The following MYO18B variants were observed in gnomAD, a reference collection of about 807,000 sequenced individuals.
MYO18B encodes myosin XVIIIB.
MYO18B carries 204 observed loss-of-function variants against 273.0 expected under a neutral mutation model. The ratio of observed to expected loss-of-function variants is 0.75; its 90% CI spans 0.67 to 0.84. The LOEUF is 0.84. Among genes scored for constraint, MYO18B ranks in the 40% least tolerant of loss-of-function variants. The probability of loss-of-function intolerance (pLI) is 0.00; values close to 1 mark genes in which losing one functional copy is unlikely to be tolerated. For missense variants in MYO18B, 3,212 were observed against 3,287.6 expected, an observed-to-expected ratio of 0.98 and a Z score of 0.56; for synonymous variants, 1,330 against 1,305.7, an observed-to-expected ratio of 1.02 and a Z score of -0.40.
chr22:25,767,392 A>T (rs532851645), intron 3 of MYO18B, among the ~76,000 whole-genome samples: 45 of 152,314 alleles, frequency 3.0e-4, no homozygotes, highest in South Asian at 2.7e-3. Flanking sequence ...TGATATGGGG[A>T]TCAGGGCAGT....
intron 11 of MYO18B, among the ~76,000 whole-genome samples, chr22:25,794,386 T>A (rs4592957): frequency 0.74 from 111,795 of 151,636 alleles, 41,308 homozygotes; most frequent in East Asian, 0.86. Context: ...TTTAATTTTA[T>A]TGTAGAGACA....
intron 12 of MYO18B, among the ~76,000 whole-genome samples, chr22:25,800,459 T>G (rs1337541056): frequency 1.3e-5 from 2 of 152,192 alleles, no homozygotes; most frequent in African/African-American, 4.8e-5. Flanking sequence ...AACAGACCCT[T>G]AGACAGAGAT....
At chr22:25,927,234 G>T (rs2092434309) in intron 34 of MYO18B, among the ~76,000 whole-genome samples, 1 of 152,214 alleles carries the variant, frequency 6.6e-6, no homozygotes, top group South Asian at 2.1e-4. Flanking sequence ...GAGCCGGGCG[G>T]AACAGAGCCA....
chr22:25,799,023 C>A (rs1282977459), intron 12 of MYO18B, among the ~76,000 whole-genome samples: 1 of 152,072 alleles, frequency 6.6e-6, no homozygotes, highest in South Asian at 2.1e-4. Flanking sequence ...CTAGTTCTTA[C>A]CCTCTCCGTA....
chr22:25,843,888 C>A lies in MYO18B; in HGVS notation c.3362C>A (p.Ser1121Ter). 6.2e-7 allele frequency: 1 copy of A among 1,601,302 alleles called. No homozygotes were observed. The highest frequency in any genetic ancestry group is 1.1e-5 in the South Asian group (1 of 90,568). ...GATGCACCCCAGGTCCTGCACCAGT[C>A]AAAAAGGTGAGTTGGGTCAGGGTTG... ...ALDAPQVLHQ[S>*]KREELRSLFQ... The change falls in exon 18 of 44, where the codon TCA (serine) becomes TAA (stop). Residue 1121 changes from serine to a stop codon, truncating the protein, a stop_gained. Transcript: ENST00000335473. LOFTEE classifies it high-confidence loss of function.
intron 21 of MYO18B, among the ~76,000 whole-genome samples, chr22:25,859,722 A>G (rs1239231152): frequency 6.6e-6 from 1 of 151,690 alleles, no homozygotes; most frequent in Non-Finnish European, 1.5e-5. Context: ...TGTTTATCTT[A>G]TAGAGTTGTA....
At chr22:25,743,145 A>G (rs1601570400) in intron 1 of MYO18B, among the ~76,000 whole-genome samples, 2 of 152,344 alleles carry the variant, frequency 1.3e-5, no homozygotes, top group East Asian at 1.9e-4. Context: ...TCTGGCCTCA[A>G]CCCGCAAGTG....
At chr22:26,043,829 T>TA in the MYO18B span, among the ~76,000 whole-genome samples, 145 of 152,284 alleles carry the variant, frequency 9.5e-4, no homozygotes, top group African/African-American at 3.3e-3. Flanking sequence ...CTTTTTTTCT[T>TA]AGAGTTGAGG....
chr22:25,968,625 G>A (rs963233522), intron 39 of MYO18B, among the ~76,000 whole-genome samples: 1 of 152,076 alleles, frequency 6.6e-6, no homozygotes, highest in Non-Finnish European at 1.5e-5. Context: ...AATGGAGGCC[G>A]GAAGTGGACA....
At chr22:25,902,586 C>T (rs750262201) in intron 29 of MYO18B, 27 bp from the exon 30 acceptor site, 23 of 1,598,440 alleles carry the variant, frequency 1.4e-5, no homozygotes, top group South Asian at 5.7e-5. Flanking sequence ...GCCTACGGGG[C>T]CCTGACACGT....
the MYO18B span, among the ~76,000 whole-genome samples, chr22:26,048,835 A>T: frequency 3.3e-5 from 5 of 152,122 alleles, no homozygotes; most frequent in African/African-American, 1.2e-4. Context: ...GTTGAATGGT[A>T]CCTCTGCTTT....
In MYO18B at chr22:25,770,940, G is replaced by T. The variant is rs770963344; in HGVS notation, c.1648G>T (p.Ala550Ser). ...AGGAAGGGTGAGACTTTGGATTGAT[G>T]CTGACAAAACCATCACTGAGGTGGA... ...PAGRVRLWIDADKTITEVDEE... is the reference protein window; with the variant it reads ...PAGRVRLWIDSDKTITEVDEE... The change falls in exon 6 of 44, where the codon GCT becomes TCT. Residue 550 changes from alanine to serine, a missense_variant. Ala to Ser is a moderately conservative substitution (Grantham distance 99). Transcript: ENST00000335473. 1 of 1,552,224 alleles carries T rather than the reference G, an allele frequency of 6.4e-7. No individual in the cohort carries two copies. Among genetic ancestry groups the T allele is most frequent in the East Asian group, 2.4e-5 (1 of 40,922 alleles).
chr22:25,852,826 G>A (rs2090462763), intron 21 of MYO18B, among the ~76,000 whole-genome samples: 1 of 152,216 alleles, frequency 6.6e-6, no homozygotes, highest in African/African-American at 2.4e-5. Flanking sequence ...AGCTGGGGCT[G>A]TGTGAATGTA....
chr22:25,992,514 C>A (rs375639839), intron 40 of MYO18B, 21 bp downstream of exon 40: 1 of 1,613,214 alleles, frequency 6.2e-7, no homozygotes, highest in Admixed American at 1.7e-5. Flanking sequence ...AGGGGCTCGG[C>A]GGGGCTGGGC....
intron 11 of MYO18B, among the ~76,000 whole-genome samples, chr22:25,791,278 G>C (rs568378094): frequency 2.0e-5 from 3 of 152,336 alleles, no homozygotes; most frequent in East Asian, 3.9e-4. Flanking sequence ...GACTGAGAAT[G>C]AATTAGACAG....
Position 26,026,847 on chromosome 22 carries a change from G to C in MYO18B, c.6873G>C (p.Arg2291Ser). 3 of 1,594,200 alleles carry C rather than the reference G, an allele frequency of 1.9e-6. 1 individual carries two copies. The Admixed American group carries it at 5.2e-5, about 28-fold the overall frequency. Reference protein sequence around the residue: ...YQTTGASTLRRGRAGSDEGNL... With the variant: ...YQTTGASTLRSGRAGSDEGNL... ...CGACTGGGGCCTCCACACTAAGGAG[G>C]GGCAGGGCTGGCAGTGACGAGGGAA... Residue 2291 changes from arginine (R) to serine (S), a missense_variant, in exon 43 of 44, where the codon AGG (arginine) becomes AGC (serine). Arg to Ser is a moderately radical substitution (Grantham distance 110). Transcript: ENST00000335473.
chr22:25,786,049 C>G (rs980755106), intron 11 of MYO18B, among the ~76,000 whole-genome samples: 3 of 152,162 alleles, frequency 2.0e-5, no homozygotes, highest in Admixed American at 6.5e-5. Flanking sequence ...CTTAAAAAAG[C>G]AAATGGTTCA....
rs1465712279 is a variant in MYO18B at position 25,770,109 on chromosome 22, G to A, written c.1513-1G>A. The A allele has an allele frequency of 1.2e-6, 2 of 1,613,806 alleles. No homozygotes were observed. The highest frequency in any genetic ancestry group is 2.7e-5 in the African/African-American group (2 of 74,900). On this transcript the variant is annotated splice_acceptor_variant, in intron 4 of 43. Coordinates refer to ENST00000335473, the MANE Select transcript of MYO18B (RefSeq NM_032608.7). LOFTEE classifies it high-confidence loss of function. Reference sequence around the variant, plus strand: ...TTAATTTACGTGATGTTGGTTCTCAGGCTCCTGAGGACAGATGGTATGAGG... The same window carrying A: ...TTAATTTACGTGATGTTGGTTCTCAAGCTCCTGAGGACAGATGGTATGAGG...
At chr22:25,847,702 T>C in intron 20 of MYO18B, 50 bp downstream of exon 20, 1 of 1,418,662 alleles carries the variant, frequency 7.0e-7, no homozygotes. Context: ...CTGGGACATG[T>C]CCACCCACCA....
Sources: allele counts gnomAD v4.1 joint callset (sites outside exome capture counted in the v4.1 genomes callset), GRCh38; gene constraint gnomAD v4.1.1; transcripts MANE v1.5; gene names NCBI Gene and HGNC (gene_info 2026-07-23, HGNC 2026-07-21).